Variants in NCKAP1 observed in about 807,000 individuals in gnomAD.
NCKAP1 encodes the protein NCK associated protein 1.
NCKAP1 carries 21 observed loss-of-function variants against 151.2 expected under a neutral mutation model. The observed-to-expected ratio is 0.14, with a 90% CI of 0.10 to 0.20. The LOEUF is 0.20. NCKAP1 is among the 10% of genes least tolerant of loss of function. The pLI, the probability that NCKAP1 is intolerant of heterozygous loss-of-function variation, is 1.00. For synonymous variants in NCKAP1, 484 were observed against 451.8 expected (o/e 1.07, Z -0.90); for missense variants, 933 against 1,352.1 (o/e 0.69, Z 4.86).
intron 13 of NCKAP1, 106 bp downstream of exon 13, chr2:182,981,138 C>T (rs1697928300): frequency 1.5e-6 from 2 of 1,359,910 alleles, no homozygotes; most frequent in African/African-American, 1.5e-5. Flanking sequence ...CATGATTTAT[C>T]ACTTGGCACA....
intron 20 of NCKAP1, among the ~76,000 whole-genome samples, chr2:182,953,596 T>A (rs766958601): frequency 4.6e-5 from 7 of 151,886 alleles, no homozygotes; most frequent in Non-Finnish European, 1.0e-4. Context: ...AAGTCAGGAG[T>A]TCGAGACCAT....
intron 24 of NCKAP1, among the ~76,000 whole-genome samples, chr2:182,939,939 A>G (rs1696961860): frequency 6.6e-6 from 1 of 152,214 alleles, no homozygotes; most frequent in Non-Finnish European, 1.5e-5. Context: ...AAAATGGCCA[A>G]TGAGTTAGAG....
chr2:183,027,269 C>T (rs188857261), intron 1 of NCKAP1, among the ~76,000 whole-genome samples: 52 of 152,286 alleles, frequency 3.4e-4, no homozygotes, highest in African/African-American at 1.2e-3. Context: ...TTTTTATGTT[C>T]ACTACATGAA....
At chr2:182,963,092 T>C (rs976897664) in intron 17 of NCKAP1, among the ~76,000 whole-genome samples, 1 of 151,988 alleles carries the variant, frequency 6.6e-6, no homozygotes, top group Non-Finnish European at 1.5e-5. Flanking sequence ...ATACATAAAA[T>C]ATAAAAATAC....
rs1697362070 is a variant in NCKAP1 at position 182,958,073 on chromosome 2, G to T, written c.1882-477C>A. On this transcript the variant is annotated intron_variant, in intron 18 of 30. Transcript: ENST00000361354. Reference sequence around the variant, plus strand: ...AAGGGCCTTGAATGCCAAGCTAGAGGTTGGATTGTAAACTGCAGGCAAAAA... The same window carrying T: ...AAGGGCCTTGAATGCCAAGCTAGAGTTTGGATTGTAAACTGCAGGCAAAAA... Among the ~76,000 whole-genome samples the T allele has an allele frequency of 4.6e-5, 7 of 152,160 alleles. 2 individuals are homozygous for T. In the South Asian group the frequency reaches 1.4e-3, roughly 31 times the overall value.
Position 182,913,517 on chromosome 2 carries a change from T to G in NCKAP1, c.*12185A>C, listed in dbSNP as rs1462975910. The G allele has an allele frequency of 6.5e-6, 1 of 153,502 alleles. No homozygotes were observed. The highest frequency in any genetic ancestry group is 1.5e-5 in the Non-Finnish European group (1 of 68,464). 9.5% of individuals were successfully genotyped at this position (153,502 alleles called of 1,614,324 possible). A position where few individuals can be genotyped will look rare whatever the true frequency, so the allele number is the denominator to read the frequency against. ...CCCCACACCATGTGATGCTCTGTGT[T>G]ACCTCAGGACTCTACAGAGACCCCA... is the stretch of plus-strand genomic sequence containing the variant. On this transcript the variant is annotated 3_prime_UTR_variant, in exon 31 of 31. Transcript: ENST00000361354.
chr2:183,017,011 T>C (rs1429873184), intron 2 of NCKAP1, among the ~76,000 whole-genome samples: 1 of 151,996 alleles, frequency 6.6e-6, no homozygotes, highest in Non-Finnish European at 1.5e-5. Flanking sequence ...AATAACTAAG[T>C]GGATGGTGAC....
At chr2:183,010,671 G>C (rs953354268) in intron 2 of NCKAP1, among the ~76,000 whole-genome samples, 1 of 152,136 alleles carries the variant, frequency 6.6e-6, no homozygotes, top group Non-Finnish European at 1.5e-5. Context: ...GCTATAGATG[G>C]TCAAATTAAA....
At chr2:182,970,265 C>A (rs1264627434) in intron 15 of NCKAP1, among the ~76,000 whole-genome samples, 5 of 152,144 alleles carry the variant, frequency 3.3e-5, no homozygotes, top group African/African-American at 1.2e-4. Flanking sequence ...TTCTATGAGG[C>A]CAGCATTACC....
At chr2:182,935,063 C>T (rs1696845573) in intron 25 of NCKAP1, among the ~76,000 whole-genome samples, 2 of 152,064 alleles carry the variant, frequency 1.3e-5, no homozygotes, top group Non-Finnish European at 2.9e-5. Flanking sequence ...TAATGAAGAT[C>T]ACTGAAAAAG....
In NCKAP1 at chr2:182,926,829, A is replaced by G; in HGVS notation, c.3257T>C (p.Leu1086Ser). The change falls in exon 30 of 31, where the codon TTA (leucine) becomes TCA (serine). Residue 1086 changes from leucine (L) to serine (S), a missense_variant. Physicochemically the swap from Leu to Ser is moderately radical, Grantham distance 145 (BLOSUM62 -2). Transcript: ENST00000361354. ...TTTRNRESVY[L>S]LLDMIVQESP... The stretch of plus-strand genomic sequence containing the variant: ...AATGAGACTTACCATATCTAGCAGT[A>G]AATAAACAGATTCTCTATTTCTTGT... The G allele has an allele frequency of 6.3e-7, 1 of 1,595,654 alleles. No homozygotes were observed. Among genetic ancestry groups the G allele is most frequent in the Non-Finnish European group, 8.6e-7 (1 of 1,166,826 alleles).
chr2:182,946,837 G>T (rs1697118860), intron 23 of NCKAP1, among the ~76,000 whole-genome samples: 1 of 151,860 alleles, frequency 6.6e-6, no homozygotes. Context: ...ATAAGGAGAG[G>T]TGAGAAATTT....
intron 19 of NCKAP1, chr2:182,956,857 C>G (rs1489904370): frequency 3.7e-6 from 1 of 273,638 alleles, no homozygotes; most frequent in East Asian, 7.5e-5. Flanking sequence ...ATTCTGCACT[C>G]ATAAAGATAA....
chr2:182,912,226 C>T lies in NCKAP1; in HGVS notation c.*13476G>A, dbSNP rs1478531419. On this transcript the variant is annotated 3_prime_UTR_variant, in exon 31 of 31. Transcript: ENST00000361354. ...TTGATATGAGAAAAATATGCTTTTG[C>T]CTTTAAGGCAACATGTTGCCCATTA... 6.6e-6 allele frequency: 1 copy of T among 152,054 alleles called. No individual in the cohort carries two copies. The highest frequency in any genetic ancestry group is 1.5e-5 in the Non-Finnish European group (1 of 68,006). The allele number at this position is 152,054 out of a possible 1,614,324, so 9.4% of individuals were successfully genotyped here.
Position 182,935,322 on chromosome 2 carries a change from G to T in NCKAP1, c.2749C>A (p.Arg917=). 6.3e-7 allele frequency: 1 copy of T among 1,590,990 alleles called. No homozygotes were observed. The highest frequency in any genetic ancestry group is 8.5e-7 in the Non-Finnish European group (1 of 1,172,146). Residue 917 remains arginine, a synonymous_variant, in exon 25 of 31, where the codon CGA becomes AGA. Transcript: ENST00000361354. ...MTIIGVILSF[R]SLAQEALRDV... The stretch of plus-strand genomic sequence containing the variant: ...CTAAGTGCTTCTTGTGCCAATGATC[G>T]GAAGGATAAAATTACACCAATTATT...
Position 182,925,755 on chromosome 2 carries a change from G to A in NCKAP1, c.3334C>T (p.Leu1112=), listed in dbSNP as rs575921742. 2.9e-5 allele frequency: 46 copies of A among 1,591,878 alleles called. 1 individual carries two copies. The African/African-American group carries it at 5.6e-4, about 19-fold the overall frequency. Residue 1112 remains leucine, a synonymous_variant, in exon 31 of 31, where the codon CTG becomes TTG. Coordinates refer to ENST00000361354, the MANE Select transcript of NCKAP1 (RefSeq NM_013436.5). The part of the protein sequence containing the change: ...LLESCFPYVL[L]RNAYHAVYKQ... The stretch of plus-strand genomic sequence containing the variant: ...TAGACAGCATGGTATGCATTTCTCA[G>A]CAAGACATAAGGAAAACAAGATTCC...
intron 8 of NCKAP1, among the ~76,000 whole-genome samples, chr2:182,989,973 G>A (rs1698134866): frequency 6.6e-6 from 1 of 151,438 alleles, no homozygotes; most frequent in South Asian, 2.1e-4. Context: ...CTGGGTGACA[G>A]AGCAAGACTC....
chr2:182,967,078 A>G, intron 16 of NCKAP1, 138 bp downstream of exon 16: 2 of 756,688 alleles, frequency 2.6e-6, no homozygotes, highest in Non-Finnish European at 3.9e-6. Context: ...ACATTTTAAT[A>G]AAAGTCCACT....
Position 182,956,573 on chromosome 2 carries a change from G to T in NCKAP1, c.2042C>A (p.Ala681Glu), listed in dbSNP as rs1331755624. The change falls in exon 20 of 31, where the codon GCA becomes GAA. Residue 681 changes from alanine (A) to glutamate (E), a missense_variant. Physicochemically the swap from Ala to Glu is moderately radical, Grantham distance 107 (BLOSUM62 -1). Transcript: ENST00000361354. ...TATAGAGAAGCATAACTCAGAAAGTGCAGTGTGCAATTTATCAAGGCTGAA... is the reference window on the plus strand; with the variant it reads ...TATAGAGAAGCATAACTCAGAAAGTTCAGTGTGCAATTTATCAAGGCTGAA... ...VVTNLDKLHT[A>E]LSELCFSINY... 6.2e-7 allele frequency: 1 copy of T among 1,606,648 alleles called. No homozygotes were observed. The highest frequency in any genetic ancestry group is 1.7e-5 in the Admixed American group (1 of 59,020).
Sources: allele counts gnomAD v4.1 joint callset (sites outside exome capture counted in the v4.1 genomes callset), GRCh38; gene constraint gnomAD v4.1.1; transcripts MANE v1.5; gene names NCBI Gene and HGNC (gene_info 2026-07-23, HGNC 2026-07-21).